Variants in ANKS1B observed in about 807,000 individuals in gnomAD.
ANKS1B encodes ankyrin repeat and sterile alpha motif domain containing 1B, also known as ankyrin repeat and sterile alpha motif domain-containing protein 1B.
Under a neutral mutation model 148.3 loss-of-function variants are expected in ANKS1B, and 36 were observed. That is an observed-to-expected ratio of 0.24 (90% confidence interval 0.19 to 0.32). The LOEUF (loss-of-function observed/expected upper bound fraction) is 0.32. ANKS1B is among the 10% of genes least tolerant of loss of function. The pLI, the probability that ANKS1B is intolerant of heterozygous loss-of-function variation, is 1.00. For missense variants in ANKS1B, 1,157 were observed against 1,542.6 expected (o/e 0.75, Z 4.19); for synonymous variants, 542 against 560.8 (o/e 0.97, Z 0.47).
chr12:98,957,200 C>T (rs988954534), intron 17 of ANKS1B, among the ~76,000 whole-genome samples: 1 of 152,062 alleles, frequency 6.6e-6, no homozygotes, highest in Non-Finnish European at 1.5e-5. Flanking sequence ...GGATTTTTCC[C>T]ATGCTCCTTG....
chr12:99,244,477 A>AT, intron 13 of ANKS1B, 63 bp from the exon 14 acceptor site: 1 of 1,155,798 alleles, frequency 8.7e-7, no homozygotes. Context: ...GTATTTTAAA[A>AT]TAAGTTTCAA....
At chr12:98,895,482 A>G (rs1000739471) in intron 17 of ANKS1B, among the ~76,000 whole-genome samples, 2 of 152,202 alleles carry the variant, frequency 1.3e-5, no homozygotes, top group African/African-American at 4.8e-5. Flanking sequence ...AAGGGGCAGA[A>G]GCAGGTCCTG....
At chr12:99,438,691 T>A (rs1431696927) in intron 11 of ANKS1B, among the ~76,000 whole-genome samples, 1 of 151,860 alleles carries the variant, frequency 6.6e-6, no homozygotes, top group African/African-American at 2.4e-5. Context: ...TATATTAGCA[T>A]CCAAAGTAAA....
At chr12:99,051,370 T>C (rs2099965960) in intron 17 of ANKS1B, among the ~76,000 whole-genome samples, 1 of 152,226 alleles carries the variant, frequency 6.6e-6, no homozygotes, top group Admixed American at 6.5e-5. Context: ...GTGCTACCTA[T>C]TGTAAGTATT....
At chr12:99,920,674 G>A (rs1294680590) in intron 1 of ANKS1B, among the ~76,000 whole-genome samples, 1 of 152,096 alleles carries the variant, frequency 6.6e-6, no homozygotes, top group Non-Finnish European at 1.5e-5. Flanking sequence ...CTAAAGGCCT[G>A]AGAACTAGGG....
In ANKS1B at chr12:99,393,382, C is replaced by T. The variant is rs934623582; in HGVS notation, c.1756+6249G>A. Among the ~76,000 whole-genome samples, 4 of 152,268 alleles carry T rather than the reference C, an allele frequency of 2.6e-5. No homozygotes were observed. The East Asian group carries it at 7.7e-4, about 29-fold the overall frequency. On this transcript the variant is annotated intron_variant, in intron 12 of 26. Coordinates refer to ENST00000683438, the MANE Select transcript of ANKS1B (RefSeq NM_001352186.2). ...GAATGAAACACCTCTCTTAGGGAGA[C>T]TTTGGCAGCCAGGGAATGACATGAG...
At chr12:98,958,438 G>A (rs79072603) in intron 17 of ANKS1B, among the ~76,000 whole-genome samples, 18 of 152,314 alleles carry the variant, frequency 1.2e-4, no homozygotes, top group African/African-American at 3.8e-4. Flanking sequence ...AGTTATCACT[G>A]TTGAAGCATT....
chr12:98,900,483 C>G (rs1405680686), intron 17 of ANKS1B, among the ~76,000 whole-genome samples: 1 of 152,108 alleles, frequency 6.6e-6, no homozygotes, highest in Non-Finnish European at 1.5e-5. Context: ...GCCAAACTTA[C>G]AAAACTTAAG....
At chr12:98,742,667 A>AGAG (rs1046407544), downstream of ANKS1B, among the ~76,000 whole-genome samples, 21 of 152,278 alleles carry the variant, frequency 1.4e-4, no homozygotes, top group Admixed American at 6.5e-4. Context: ...AGCTACTAAC[A>AGAG]GAGTCACAAT....
intron 9 of ANKS1B, among the ~76,000 whole-genome samples, chr12:99,562,585 G>C (rs778803876): frequency 1.3e-5 from 2 of 152,170 alleles, no homozygotes; most frequent in Non-Finnish European, 2.9e-5. Context: ...CACATGGCTG[G>C]AGAGACCTCA....
chr12:99,204,630 CTATTGCTTTCA>C (rs2082425839), intron 14 of ANKS1B, among the ~76,000 whole-genome samples: 3 of 152,182 alleles, frequency 2.0e-5, no homozygotes, highest in Admixed American at 2.0e-4. Flanking sequence ...GAATGGTGCC[CTATTGCTTTCA>C]AGTACTTTGT....
At chr12:99,005,318 T>C (rs943585696) in intron 17 of ANKS1B, among the ~76,000 whole-genome samples, 12 of 151,990 alleles carry the variant, frequency 7.9e-5, no homozygotes, top group Non-Finnish European at 1.5e-5. Flanking sequence ...AGGTCTGGCA[T>C]GTCAGAATCG....
At chr12:98,912,843 G>A (rs541507552) in intron 17 of ANKS1B, among the ~76,000 whole-genome samples, 6 of 152,220 alleles carry the variant, frequency 3.9e-5, no homozygotes, top group South Asian at 4.2e-4. Flanking sequence ...TAAATGACCC[G>A]GACTTAATTT....
At chr12:98,825,151 G>C (rs529644577) in intron 19 of ANKS1B, among the ~76,000 whole-genome samples, 12 of 152,098 alleles carry the variant, frequency 7.9e-5, no homozygotes, top group Non-Finnish European at 1.8e-4. Context: ...GTGCACATAG[G>C]CTCTTGTGAG....
chr12:98,764,630 G>A (rs886894345), intron 25 of ANKS1B, among the ~76,000 whole-genome samples: 1 of 152,214 alleles, frequency 6.6e-6, no homozygotes, highest in Non-Finnish European at 1.5e-5. Context: ...GGATATGCCT[G>A]TTTCCTTGGT....
intron 8 of ANKS1B, among the ~76,000 whole-genome samples, chr12:99,727,754 A>G (rs1769243924): frequency 6.6e-6 from 1 of 152,240 alleles, no homozygotes. Context: ...ACAAGGCTAC[A>G]GTAACCAAAA....
At chr12:99,041,917 C>T (rs1366284136) in intron 17 of ANKS1B, among the ~76,000 whole-genome samples, 2 of 152,054 alleles carry the variant, frequency 1.3e-5, no homozygotes, top group East Asian at 3.9e-4. Flanking sequence ...GGGAGCACTG[C>T]CTGAGCCTGG....
chr12:99,192,441 G>C (rs1186942503), intron 14 of ANKS1B, among the ~76,000 whole-genome samples: 1 of 151,988 alleles, frequency 6.6e-6, no homozygotes, highest in African/African-American at 2.4e-5. Flanking sequence ...GATTTCTTCT[G>C]ATTAACAAAT....
intron 19 of ANKS1B, among the ~76,000 whole-genome samples, chr12:98,810,290 CTG>C (rs1334122411): frequency 1.3e-5 from 2 of 152,226 alleles, no homozygotes; most frequent in African/African-American, 2.4e-5. Context: ...ACAGGGCTAA[CTG>C]TAATATATCT....
Sources: allele counts gnomAD v4.1 joint callset (sites outside exome capture counted in the v4.1 genomes callset), GRCh38; gene constraint gnomAD v4.1.1; transcripts MANE v1.5; gene names NCBI Gene and HGNC (gene_info 2026-07-23, HGNC 2026-07-21).